NAA15: variants seen among roughly 807,000 people sequenced by gnomAD.
The protein encoded by NAA15 is N-terminal acetyltransferase.
NAA15 carries 34 observed loss-of-function variants against 114.0 expected under a neutral mutation model. The ratio of observed to expected loss-of-function variants is 0.30; its 90% CI spans 0.23 to 0.40. NAA15 has a LOEUF of 0.40. NAA15 is among the 10% of genes least tolerant of loss of function. NAA15 has a pLI of 1.00. For missense variants in NAA15, 658 were observed against 1,004.5 expected, an observed-to-expected ratio of 0.66 and a Z score of 4.66; for synonymous variants, 340 against 338.0, an observed-to-expected ratio of 1.01 and a Z score of -0.06.
At chr4:139,367,758 G>C (rs372972329) in intron 14 of NAA15, among the ~76,000 whole-genome samples, 8 of 152,196 alleles carry the variant, frequency 5.3e-5, no homozygotes, top group African/African-American at 1.9e-4. Flanking sequence ...TGGAGAGACT[G>C]AGAGTTTTCA....
In NAA15 at chr4:139,376,585, G is replaced by A. The variant is rs879280161; in HGVS notation, c.2056+112G>A. The A allele has an allele frequency of 1.6e-5, 11 of 696,538 alleles. No individual in the cohort carries two copies. The Admixed American group carries it at 1.9e-4, about 12-fold the overall frequency. The allele number at this position is 696,538 out of a possible 1,614,324, so 43.1% of individuals were successfully genotyped here. ...GTACGATTATTTAGCAAATGCCAACGCAGCTTTCTCACAGAAATGCCTGCT... is the reference window on the plus strand; with the variant it reads ...GTACGATTATTTAGCAAATGCCAACACAGCTTTCTCACAGAAATGCCTGCT... On this transcript the variant is annotated intron_variant, in intron 16 of 19. Coordinates refer to ENST00000296543, the MANE Select transcript of NAA15 (RefSeq NM_057175.5).
At chr4:139,326,197 G>A (rs1746794797) in intron 1 of NAA15, among the ~76,000 whole-genome samples, 2 of 152,084 alleles carry the variant, frequency 1.3e-5, no homozygotes, top group South Asian at 4.1e-4. Flanking sequence ...ACAATGGTTA[G>A]GTGTTATGGT....
At chr4:139,380,083 G>A (rs1748702064) in intron 17 of NAA15, among the ~76,000 whole-genome samples, 1 of 152,118 alleles carries the variant, frequency 6.6e-6, no homozygotes, top group Non-Finnish European at 1.5e-5. Flanking sequence ...TTTCCAGAAA[G>A]ATTAGACTTA....
intron 10 of NAA15, among the ~76,000 whole-genome samples, chr4:139,355,559 T>G (rs1183705249): frequency 1.3e-5 from 2 of 152,168 alleles, no homozygotes; most frequent in African/African-American, 4.8e-5. Context: ...AGTGGCTAAT[T>G]AAAATTTTAA....
chr4:139,372,760 C>T (rs1748478839), intron 15 of NAA15, among the ~76,000 whole-genome samples: 1 of 143,064 alleles, frequency 7.0e-6, no homozygotes, highest in Non-Finnish European at 1.5e-5. Flanking sequence ...TTCTGTATTT[C>T]AGCTTTCTTC....
intron 1 of NAA15, among the ~76,000 whole-genome samples, chr4:139,310,592 T>A (rs67833724): frequency 0.27 from 40,673 of 151,568 alleles, 6,091 homozygotes; most frequent in African/African-American, 0.36. Flanking sequence ...TCTGCTCAGA[T>A]GTCCTTTATT....
intron 1 of NAA15, among the ~76,000 whole-genome samples, chr4:139,329,294 G>C (rs979766156): frequency 2.6e-5 from 4 of 151,848 alleles, no homozygotes; most frequent in African/African-American, 9.7e-5. Context: ...TATAATAGTT[G>C]TTTTAACTTC....
At chr4:139,307,974 ATTT>A (rs1746079263) in intron 1 of NAA15, among the ~76,000 whole-genome samples, 1 of 151,542 alleles carries the variant, frequency 6.6e-6, no homozygotes, top group African/African-American at 2.4e-5. Flanking sequence ...TATTATTATT[ATTT>A]TTTTGAGACG....
intron 1 of NAA15, among the ~76,000 whole-genome samples, chr4:139,329,965 G>A (rs1407280955): frequency 6.6e-6 from 1 of 152,160 alleles, no homozygotes; most frequent in Non-Finnish European, 1.5e-5. Flanking sequence ...CATCATGTTT[G>A]TTTCCCGTTC....
chr4:139,337,102 G>T, intron 3 of NAA15, 150 bp downstream of exon 3: 1 of 425,032 alleles, frequency 2.4e-6, no homozygotes. Context: ...TTCATTCAGG[G>T]AACATTTTTA....
chr4:139,370,433 G>C, intron 15 of NAA15, 29 bp downstream of exon 15: 1 of 1,500,772 alleles, frequency 6.7e-7, no homozygotes, highest in Non-Finnish European at 8.8e-7. Context: ...TAGCACAATT[G>C]AGTGACATTT....
chr4:139,380,143 T>C (rs1475528266), intron 17 of NAA15, among the ~76,000 whole-genome samples: 4 of 152,184 alleles, frequency 2.6e-5, no homozygotes, highest in African/African-American at 9.7e-5. Context: ...AAAACTGAAT[T>C]GTAGAAGTGT....
intron 1 of NAA15, chr4:139,318,395 C>G (rs1258294816): frequency 2.0e-5 from 3 of 151,770 alleles, no homozygotes; most frequent in African/African-American, 4.8e-5. Flanking sequence ...TTTGGCAGCA[C>G]ATATACTAAA....
At chr4:139,368,319 G>A (rs774717779) in intron 14 of NAA15, among the ~76,000 whole-genome samples, 3 of 152,206 alleles carry the variant, frequency 2.0e-5, no homozygotes, top group Non-Finnish European at 2.9e-5. Flanking sequence ...GTTCATGCCT[G>A]TAGTCCTAAT....
chr4:139,332,456 C>T (rs1048522887), intron 1 of NAA15, among the ~76,000 whole-genome samples: 6 of 151,532 alleles, frequency 4.0e-5, no homozygotes, highest in African/African-American at 1.5e-4. Context: ...AAAAATTTAT[C>T]CTAATTTCTT....
chr4:139,302,039 T>G, intron 1 of NAA15: 1 of 451,212 alleles, frequency 2.2e-6, no homozygotes, highest in Non-Finnish European at 3.9e-6. Flanking sequence ...CTTCATTCCA[T>G]CCCCACGCTT....
chr4:139,313,813 A>T (rs1393524745), intron 1 of NAA15, among the ~76,000 whole-genome samples: 1 of 151,878 alleles, frequency 6.6e-6, no homozygotes, highest in Non-Finnish European at 1.5e-5. Flanking sequence ...CTGGCATTAC[A>T]GGTGTGAGCC....
chr4:139,339,764 A>T (rs1311507282), intron 3 of NAA15, among the ~76,000 whole-genome samples: 1 of 151,880 alleles, frequency 6.6e-6, no homozygotes, highest in Non-Finnish European at 1.5e-5. Flanking sequence ...ACAAACAAAC[A>T]ACAACAACAA....
chr4:139,347,859 C>T (rs1045573097), intron 6 of NAA15, among the ~76,000 whole-genome samples: 5 of 150,508 alleles, frequency 3.3e-5, no homozygotes, highest in South Asian at 4.2e-4. Flanking sequence ...GGCGAAACCC[C>T]GTCTCTACTA....
Sources: allele counts gnomAD v4.1 joint callset (sites outside exome capture counted in the v4.1 genomes callset), GRCh38; gene constraint gnomAD v4.1.1; transcripts MANE v1.5; gene names NCBI Gene and HGNC (gene_info 2026-07-23, HGNC 2026-07-21).